Variants in RABGAP1 observed in about 807,000 individuals in gnomAD.
RABGAP1 encodes rab GTPase-activating protein 1.
A neutral mutation model predicts 137.6 loss-of-function variants in RABGAP1; 23 were observed. That is an observed-to-expected ratio of 0.17 (90% CI 0.12 to 0.24). The LOEUF (loss-of-function observed/expected upper bound fraction) is 0.24. RABGAP1 is among the 10% of genes least tolerant of loss of function. The probability of loss-of-function intolerance (pLI) is 1.00; values close to 1 mark genes in which losing one functional copy is unlikely to be tolerated. For missense variants in RABGAP1, 906 were observed against 1,275.8 expected, an observed-to-expected ratio of 0.71 and a Z score of 4.42; for synonymous variants, 451 against 450.7, an observed-to-expected ratio of 1.00 and a Z score of -0.01.
chr9:122,973,488 C>T (rs1161746035), intron 2 of RABGAP1, among the ~76,000 whole-genome samples: 1 of 151,914 alleles, frequency 6.6e-6, no homozygotes, highest in Non-Finnish European at 1.5e-5. Flanking sequence ...CCGCCTCGGC[C>T]TCCCAAAGTG....
At chr9:122,974,587 T>G (rs545533300) in intron 2 of RABGAP1, among the ~76,000 whole-genome samples, 2 of 151,754 alleles carry the variant, frequency 1.3e-5, no homozygotes, top group African/African-American at 4.8e-5. Flanking sequence ...AGCCCAGGAG[T>G]TCTAGACCAG....
intron 6 of RABGAP1, among the ~76,000 whole-genome samples, chr9:122,993,242 C>A (rs1588231823): frequency 6.6e-6 from 1 of 152,110 alleles, no homozygotes; most frequent in East Asian, 1.9e-4. Flanking sequence ...ATGCTCTTCT[C>A]ATTTCTGAAA....
chr9:123,029,785 C>T, intron 13 of RABGAP1: 2 of 538,172 alleles, frequency 3.7e-6, no homozygotes, highest in Non-Finnish European at 3.5e-6. Context: ...GCGAACACTG[C>T]AGCCTTGCTA....
intron 13 of RABGAP1, among the ~76,000 whole-genome samples, chr9:123,055,797 A>T (rs2033670298): frequency 6.6e-6 from 1 of 151,918 alleles, no homozygotes; most frequent in East Asian, 1.9e-4. Flanking sequence ...TGATCCGACC[A>T]CCTTTGGCCT....
intron 2 of RABGAP1, among the ~76,000 whole-genome samples, chr9:122,973,510 G>A (rs1356309269): frequency 1.3e-5 from 2 of 151,832 alleles, no homozygotes; most frequent in East Asian, 3.9e-4. Flanking sequence ...TGGGATTATA[G>A]GCATGAGCCA....
chr9:122,994,995 T>C (rs1470428871), intron 6 of RABGAP1, among the ~76,000 whole-genome samples: 2 of 152,136 alleles, frequency 1.3e-5, no homozygotes, highest in Non-Finnish European at 2.9e-5. Context: ...CATGTACCTG[T>C]AATCCTAGGT....
chr9:123,022,039 T>C (rs1214645633), intron 13 of RABGAP1, among the ~76,000 whole-genome samples: 1 of 152,266 alleles, frequency 6.6e-6, no homozygotes, highest in Non-Finnish European at 1.5e-5. Flanking sequence ...AATAAGGTTA[T>C]ATAACATGTA....
At chr9:123,000,668 A>C (rs908726133) in intron 10 of RABGAP1, among the ~76,000 whole-genome samples, 1 of 152,050 alleles carries the variant, frequency 6.6e-6, no homozygotes, top group Admixed American at 6.6e-5. Context: ...CATTTATAGC[A>C]ATAGCCTTTT....
rs781722459 is a variant in RABGAP1 at position 122,996,653 on chromosome 9, AG to A, written c.1101+50del. The A allele has an allele frequency of 2.4e-4, 348 of 1,460,354 alleles. 1 individual carries two copies. The highest frequency in any genetic ancestry group is 3.1e-4 in the Non-Finnish European group (325 of 1,061,700). 90.5% of individuals were successfully genotyped at this position (1,460,354 alleles called of 1,614,324 possible). On this transcript the variant is annotated intron_variant, in intron 8 of 25. Coordinates refer to ENST00000373647, the MANE Select transcript of RABGAP1 (RefSeq NM_012197.4). ...AAGTTACATACTATTTCCTCAGTAA[AG>A]GTTGTTTCACTTTTTCTCATCTGAA...
intron 4 of RABGAP1, among the ~76,000 whole-genome samples, chr9:122,988,582 G>A (rs1206464886): frequency 1.3e-5 from 2 of 149,692 alleles, no homozygotes; most frequent in Non-Finnish European, 3.0e-5. Flanking sequence ...GTTTCAGTCT[G>A]AGAAAAAGCA....
rs189295444 is a variant in RABGAP1, at chr9:122,947,527, A to G, written c.-50+6434A>G. ...AAAAAGATTACAACTTATAAAAAAG[A>G]TGTTTTAAAGTTTTATTTTGTTTTA... On this transcript the variant is annotated intron_variant, in intron 1 of 25. Transcript: ENST00000373647. Among the ~76,000 whole-genome samples the G allele has an allele frequency of 2.6e-5, 4 of 152,312 alleles. No homozygotes were observed. In the East Asian group the frequency reaches 7.7e-4, roughly 29 times the overall value.
chr9:122,979,281 T>C (rs1450308714), intron 2 of RABGAP1, among the ~76,000 whole-genome samples: 1 of 152,328 alleles, frequency 6.6e-6, no homozygotes, highest in East Asian at 1.9e-4. Context: ...TTTCTTTTTA[T>C]GTGCTTATTT....
At chr9:123,089,139 G>T (rs1471117494) in intron 19 of RABGAP1, among the ~76,000 whole-genome samples, 6 of 152,178 alleles carry the variant, frequency 3.9e-5, no homozygotes, top group Admixed American at 3.9e-4. Flanking sequence ...CAGCACAGCT[G>T]TGTTTTTAAG....
At chr9:123,028,993 T>C (rs1373581510) in intron 13 of RABGAP1, among the ~76,000 whole-genome samples, 1 of 152,214 alleles carries the variant, frequency 6.6e-6, no homozygotes, top group African/African-American at 2.4e-5. Context: ...ATTATCAGGC[T>C]TAGAAAGATC....
chr9:123,087,202 A>G (rs1038597723), intron 19 of RABGAP1, among the ~76,000 whole-genome samples: 3 of 152,252 alleles, frequency 2.0e-5, no homozygotes, highest in Non-Finnish European at 4.4e-5. Flanking sequence ...AATGAAATAT[A>G]GAAGACATTG....
At chr9:122,961,336 C>CA (rs899657961) in intron 2 of RABGAP1, among the ~76,000 whole-genome samples, 1 of 151,940 alleles carries the variant, frequency 6.6e-6, no homozygotes, top group East Asian at 1.9e-4. Flanking sequence ...AACTTCTCAG[C>CA]AAAAAAATGG....
intron 9 of RABGAP1, among the ~76,000 whole-genome samples, chr9:122,997,577 CTT>C (rs956552864): frequency 9.0e-5 from 7 of 77,362 alleles, no homozygotes; most frequent in African/African-American, 1.8e-4. Context: ...TCCTTCCCCT[CTT>C]TCTTTTCTTT....
chr9:123,039,108 A>G (rs1355976290), intron 13 of RABGAP1, among the ~76,000 whole-genome samples: 1 of 152,174 alleles, frequency 6.6e-6, no homozygotes. Context: ...TGTATCTGCC[A>G]TTCTTCTACA....
intron 13 of RABGAP1, chr9:123,063,189 T>C (rs2034044910): frequency 6.6e-6 from 1 of 152,586 alleles, no homozygotes; most frequent in Non-Finnish European, 1.5e-5. Context: ...TTTGAACGTT[T>C]CCATATTCCT....
Sources: allele counts gnomAD v4.1 joint callset (sites outside exome capture counted in the v4.1 genomes callset), GRCh38; gene constraint gnomAD v4.1.1; transcripts MANE v1.5; gene names NCBI Gene and HGNC (gene_info 2026-07-23, HGNC 2026-07-21).